BRINP2: variants seen among roughly 807,000 people sequenced by gnomAD.
BRINP2 encodes the protein BMP/retinoic acid-inducible neural-specific protein 2.
BRINP2 carries 21 observed loss-of-function variants against 69.2 expected under a neutral mutation model. The ratio of observed to expected loss-of-function variants is 0.30; its 90% CI spans 0.22 to 0.44. The LOEUF is 0.44. Among genes scored for constraint, BRINP2 ranks in the 20% least tolerant of loss-of-function variants. BRINP2 has a pLI of 1.00. For missense variants in BRINP2, 877 were observed against 986.0 expected (o/e 0.89, Z 1.48); for synonymous variants, 380 against 394.1 (o/e 0.96, Z 0.42).
chr1:177,195,173 A>G (rs1388865518), intron 1 of BRINP2, among the ~76,000 whole-genome samples: 1 of 152,062 alleles, frequency 6.6e-6, no homozygotes, highest in East Asian at 1.9e-4. Context: ...CATTTTATCT[A>G]AATATAAATT....
At chr1:177,248,490 C>A (rs200525807) in intron 2 of BRINP2, among the ~76,000 whole-genome samples, 13 of 136,516 alleles carry the variant, frequency 9.5e-5, no homozygotes, top group Non-Finnish European at 1.7e-4. Context: ...TGTGTGTGTG[C>A]GTGCGTGTGT....
intron 4 of BRINP2, among the ~76,000 whole-genome samples, chr1:177,273,252 T>C (rs1651388064): frequency 1.3e-5 from 2 of 152,198 alleles, no homozygotes; most frequent in African/African-American, 4.8e-5. Flanking sequence ...TAGCTCTCTC[T>C]GAAAGGCTCT....
intron 2 of BRINP2, among the ~76,000 whole-genome samples, chr1:177,240,793 A>C (rs1289506839): frequency 9.2e-5 from 14 of 152,182 alleles, no homozygotes; most frequent in Admixed American, 7.8e-4. Flanking sequence ...GTGTGGAAGG[A>C]AGCTTGACAA....
intron 1 of BRINP2, among the ~76,000 whole-genome samples, chr1:177,182,213 G>A (rs1462448724): frequency 3.2e-4 from 47 of 148,324 alleles, no homozygotes; most frequent in Non-Finnish European, 4.5e-5. Flanking sequence ...TCCAGAGACT[G>A]CCCTCTTTGG....
At chr1:177,263,001 A>G (rs889895311) in intron 4 of BRINP2, among the ~76,000 whole-genome samples, 5 of 152,210 alleles carry the variant, frequency 3.3e-5, no homozygotes, top group Non-Finnish European at 5.9e-5. Context: ...TGGATTTAAC[A>G]AAGATGTGTG....
intron 1 of BRINP2, among the ~76,000 whole-genome samples, chr1:177,222,248 G>A (rs1423484736): frequency 1.5e-5 from 2 of 133,876 alleles, no homozygotes; most frequent in African/African-American, 5.0e-5. Context: ...AATAACCCCT[G>A]TTGGAGCAAT....
chr1:177,213,599 C>T (rs1649289240), intron 1 of BRINP2, among the ~76,000 whole-genome samples: 1 of 152,160 alleles, frequency 6.6e-6, no homozygotes, highest in Non-Finnish European at 1.5e-5. Context: ...CAAAATTAGG[C>T]TGAAAATAAT....
chr1:177,216,418 T>C (rs1267334251), intron 1 of BRINP2, among the ~76,000 whole-genome samples: 1 of 152,104 alleles, frequency 6.6e-6, no homozygotes, highest in Non-Finnish European at 1.5e-5. Flanking sequence ...TTTTGATGTC[T>C]GAATTGTATC....
intron 4 of BRINP2, among the ~76,000 whole-genome samples, chr1:177,262,297 A>G (rs960115607): frequency 6.6e-6 from 1 of 152,116 alleles, no homozygotes; most frequent in Non-Finnish European, 1.5e-5. Flanking sequence ...GTGGATCACA[A>G]GGTCAAGAGA....
chr1:177,200,511 C>T (rs573566942), intron 1 of BRINP2, among the ~76,000 whole-genome samples: 2 of 152,086 alleles, frequency 1.3e-5, no homozygotes, highest in Non-Finnish European at 2.9e-5. Context: ...ACCACTCCAG[C>T]CTCCTGGCCA....
At chr1:177,179,401 GC>G (rs1458064030) in intron 1 of BRINP2, among the ~76,000 whole-genome samples, 1 of 152,164 alleles carries the variant, frequency 6.6e-6, no homozygotes, top group African/African-American at 2.4e-5. Flanking sequence ...ACTTGTCACT[GC>G]TGGAGGTACC....
chr1:177,190,671 A>G (rs541226719), intron 1 of BRINP2, among the ~76,000 whole-genome samples: 1 of 152,280 alleles, frequency 6.6e-6, no homozygotes, highest in Non-Finnish European at 1.5e-5. Flanking sequence ...TTCACAGGAC[A>G]GGAAGTGAGC....
At chr1:177,277,852 A>G (rs551484814) in intron 6 of BRINP2, among the ~76,000 whole-genome samples, 62 of 152,264 alleles carry the variant, frequency 4.1e-4, no homozygotes, top group African/African-American at 1.5e-3. Context: ...AGCAATGCAC[A>G]GAAACCTGAG....
intron 2 of BRINP2, 101 bp from the exon 3 acceptor site, chr1:177,255,818 G>A: frequency 8.2e-7 from 1 of 1,224,698 alleles, no homozygotes; most frequent in South Asian, 1.5e-5. Context: ...GAGAGGAGAT[G>A]AGTGGCTGCA....
chr1:177,192,783 G>A (rs1648629589), intron 1 of BRINP2, among the ~76,000 whole-genome samples: 1 of 152,098 alleles, frequency 6.6e-6, no homozygotes, highest in Non-Finnish European at 1.5e-5. Context: ...ATGAACAAAG[G>A]CAAAATAGAT....
intron 1 of BRINP2, among the ~76,000 whole-genome samples, chr1:177,192,496 A>C (rs2102297599): frequency 6.6e-6 from 1 of 152,304 alleles, no homozygotes; most frequent in East Asian, 1.9e-4. Context: ...ACTCTGTCTA[A>C]CTTATTTTTT....
intron 2 of BRINP2, among the ~76,000 whole-genome samples, chr1:177,241,209 G>A (rs1025616868): frequency 6.6e-6 from 1 of 152,126 alleles, no homozygotes; most frequent in African/African-American, 2.4e-5. Context: ...GTGACCTCGT[G>A]ATCCCCCTGC....
intron 4 of BRINP2, among the ~76,000 whole-genome samples, chr1:177,264,297 T>C (rs1651053902): frequency 6.6e-6 from 1 of 152,194 alleles, no homozygotes. Context: ...TAGGTACTGA[T>C]TTAACGCATC....
rs775417974 is a variant in BRINP2, at chr1:177,278,757, C to A, written c.1207C>A (p.Gln403Lys). The A allele has an allele frequency of 6.2e-7, 1 of 1,614,166 alleles. No individual in the cohort carries two copies. Among genetic ancestry groups the A allele is most frequent in the South Asian group, 1.1e-5 (1 of 91,080 alleles). ...CAACCTCTGCAAGCGCTGCCATCGC[C>A]AGCCTCGCTTCCGCCTGCCCAAGGA... ...LFNLCKRCHR[Q>K]PRFRLPKERS... Residue 403 changes from glutamine to lysine, a missense_variant, in exon 7 of 8, where the codon CAG becomes AAG. Gln to Lys is a moderately conservative substitution (Grantham distance 53). This residue lies in a region of BRINP2 where 566 missense variants were observed against 625.2 expected (regional missense o/e 0.91). Transcript: ENST00000361539.
Sources: gnomAD v4.1 joint callset for allele counts (sites outside exome capture counted in the v4.1 genomes callset) on GRCh38, gnomAD v4.1.1 for gene constraint, gnomAD v4.1.1 regional missense constraint, MANE v1.5 for transcripts, NCBI Gene and HGNC (gene_info 2026-07-23, HGNC 2026-07-21) for gene names.